Variants in SLC16A7 observed in about 807,000 individuals in gnomAD.
The protein encoded by SLC16A7 is solute carrier family 16 member 7.
SLC16A7 carries 33 observed loss-of-function variants against 34.9 expected under a neutral mutation model. The observed-to-expected ratio is 0.94, with a 90% CI of 0.72 to 1.26. The LOEUF is 1.26. Among genes scored for constraint, SLC16A7 ranks in the 50% most tolerant of loss-of-function variants. SLC16A7 has a pLI of 0.00. For missense variants in SLC16A7, 573 were observed against 578.1 expected, an observed-to-expected ratio of 0.99 and a Z score of 0.09; for synonymous variants, 201 against 206.6, an observed-to-expected ratio of 0.97 and a Z score of 0.23.
rs1230383225 is a variant in SLC16A7, at chr12:59,733,844, T to C, written c.217+28826T>C. 2.0e-5 allele frequency: 9 copies of C among 455,526 alleles called. No homozygotes were observed. The East Asian group carries it at 6.3e-4, about 32-fold the overall frequency. 28.2% of individuals were successfully genotyped at this position (455,526 alleles called of 1,614,324 possible). A position where few individuals can be genotyped will look rare whatever the true frequency, so the allele number is the denominator to read the frequency against. On this transcript the variant is annotated intron_variant, in intron 3 of 5. Coordinates refer to ENST00000547379, the MANE Select transcript of SLC16A7 (RefSeq NM_001270623.2). ...TAGGAGAGCCACGGTGGGCACCTTC[T>C]TTCTGCAGGCAGGTCGTCCTGACTA...
chr12:59,647,956 G>A (rs1233237020), intron 1 of SLC16A7, among the ~76,000 whole-genome samples: 1 of 152,138 alleles, frequency 6.6e-6, no homozygotes, highest in African/African-American at 2.4e-5. Flanking sequence ...GGGAGGCTGA[G>A]GTGGGAGGAT....
intron 2 of SLC16A7, among the ~76,000 whole-genome samples, chr12:59,679,181 C>T (rs542538519): frequency 1.3e-5 from 2 of 152,190 alleles, no homozygotes; most frequent in African/African-American, 2.4e-5. Flanking sequence ...GGGCTCCTGC[C>T]TGCCTCCAGC....
chr12:59,729,876 T>C (rs1010551541), intron 3 of SLC16A7, among the ~76,000 whole-genome samples: 3 of 152,202 alleles, frequency 2.0e-5, no homozygotes, highest in South Asian at 2.1e-4. Context: ...GAAAGTGCTA[T>C]CCAGTCATGT....
chr12:59,766,220 G>A (rs1881612225), intron 3 of SLC16A7, among the ~76,000 whole-genome samples: 3 of 152,178 alleles, frequency 2.0e-5, no homozygotes, highest in South Asian at 4.1e-4. Flanking sequence ...TCAGCTTAAG[G>A]AGATTTTGGG....
chr12:59,651,774 A>G (rs953010750), intron 1 of SLC16A7, among the ~76,000 whole-genome samples: 11 of 152,166 alleles, frequency 7.2e-5, no homozygotes, highest in African/African-American at 2.7e-4. Flanking sequence ...ATCATTAATC[A>G]TTCACTCTAA....
chr12:59,607,394 T>C (rs1271429843), intron 1 of SLC16A7, among the ~76,000 whole-genome samples: 3 of 152,176 alleles, frequency 2.0e-5, no homozygotes, highest in Non-Finnish European at 4.4e-5. Flanking sequence ...CTCTATATAA[T>C]TTATATAATG....
At chr12:59,695,559 T>A (rs1179333275) in intron 2 of SLC16A7, among the ~76,000 whole-genome samples, 1 of 152,026 alleles carries the variant, frequency 6.6e-6, no homozygotes, top group East Asian at 1.9e-4. Flanking sequence ...GTCTTCCTAG[T>A]CCCCACCCTC....
At chr12:59,613,063 C>T (rs927655569) in intron 1 of SLC16A7, among the ~76,000 whole-genome samples, 6 of 152,172 alleles carry the variant, frequency 3.9e-5, no homozygotes, top group African/African-American at 4.8e-5. Flanking sequence ...TGTTCTCGTG[C>T]TGCTATAAGG....
chr12:59,669,486 T>C (rs1053632872), intron 2 of SLC16A7, among the ~76,000 whole-genome samples: 3 of 152,200 alleles, frequency 2.0e-5, no homozygotes, highest in Non-Finnish European at 4.4e-5. Flanking sequence ...GCTGGTCTAA[T>C]TCACTGTGGC....
chr12:59,654,702 C>T (rs1407337153), intron 1 of SLC16A7, among the ~76,000 whole-genome samples: 1 of 142,488 alleles, frequency 7.0e-6, no homozygotes, highest in Non-Finnish European at 1.5e-5. Context: ...CACACACACA[C>T]ACACACACTC....
intron 2 of SLC16A7, among the ~76,000 whole-genome samples, chr12:59,665,601 C>T (rs1676676618): frequency 6.6e-6 from 1 of 151,872 alleles, no homozygotes; most frequent in Admixed American, 6.6e-5. Flanking sequence ...AGACATTGCT[C>T]ACTAAGTTTT....
intron 1 of SLC16A7, among the ~76,000 whole-genome samples, chr12:59,638,390 T>C (rs1294404868): frequency 1.3e-5 from 2 of 152,116 alleles, no homozygotes; most frequent in African/African-American, 4.8e-5. Context: ...TAGTATATCA[T>C]TTTCATTCTT....
intron 2 of SLC16A7, among the ~76,000 whole-genome samples, chr12:59,671,567 G>T (rs2137048439): frequency 6.6e-6 from 1 of 151,818 alleles, no homozygotes. Context: ...TTGTTTGGAA[G>T]CTATTAGAAT....
At chr12:59,633,867 A>G (rs2136997286) in intron 1 of SLC16A7, among the ~76,000 whole-genome samples, 1 of 152,134 alleles carries the variant, frequency 6.6e-6, no homozygotes, top group Non-Finnish European at 1.5e-5. Context: ...TGATCCATCA[A>G]ATCACCTCCC....
At chr12:59,714,052 G>A (rs372400655) in intron 3 of SLC16A7, among the ~76,000 whole-genome samples, 1 of 152,220 alleles carries the variant, frequency 6.6e-6, no homozygotes, top group South Asian at 2.1e-4. Context: ...TGAGTGATCA[G>A]GCAATATTTC....
At chr12:59,614,927 C>T (rs976514067) in intron 1 of SLC16A7, among the ~76,000 whole-genome samples, 28 of 151,022 alleles carry the variant, frequency 1.9e-4, no homozygotes, top group African/African-American at 2.4e-4. Context: ...CACTTGAGCC[C>T]GGGAGGTGGA....
At chr12:59,613,800 G>C (rs892776319) in intron 1 of SLC16A7, among the ~76,000 whole-genome samples, 6 of 152,142 alleles carry the variant, frequency 3.9e-5, no homozygotes, top group African/African-American at 1.4e-4. Flanking sequence ...TATTTAAGTT[G>C]TAATTTACCA....
At position 59,736,827 on chromosome 12, in the gene SLC16A7, A is replaced by G. The variant is rs1339708300; in HGVS notation, c.217+31809A>G. On this transcript the variant is annotated intron_variant, in intron 3 of 5. Coordinates refer to ENST00000547379, the MANE Select transcript of SLC16A7 (RefSeq NM_001270623.2). ...CCACATGCTGACCAATGATTCTCCA[A>G]TGATTTCTAGTCTTGCATTAGCATG... is the stretch of plus-strand genomic sequence containing the variant. Among the ~76,000 whole-genome samples, 6 of 152,172 alleles carry G rather than the reference A, an allele frequency of 3.9e-5. No individual in the cohort carries two copies. In the South Asian group the frequency reaches 6.2e-4, roughly 16 times the overall value.
intron 3 of SLC16A7, among the ~76,000 whole-genome samples, chr12:59,708,918 C>T (rs896121758): frequency 6.6e-6 from 1 of 151,700 alleles, no homozygotes; most frequent in Non-Finnish European, 1.5e-5. Flanking sequence ...AGCAATCCAT[C>T]TGGATGTCCA....
Sources: allele counts gnomAD v4.1 joint callset (sites outside exome capture counted in the v4.1 genomes callset), GRCh38; gene constraint gnomAD v4.1.1; transcripts MANE v1.5; gene names NCBI Gene and HGNC (gene_info 2026-07-23, HGNC 2026-07-21).